Variants in COL23A1 observed in about 807,000 individuals in gnomAD.
COL23A1 encodes collagen type XXIII alpha 1 chain.
Under a neutral mutation model 99.3 loss-of-function variants are expected in COL23A1, and 97 were observed. That is an observed-to-expected ratio of 0.98 (90% CI 0.83 to 1.16). The LOEUF (loss-of-function observed/expected upper bound fraction) is 1.16. Among genes scored for constraint, COL23A1 ranks in the 50% most tolerant of loss-of-function variants. COL23A1 has a pLI of 0.00. For missense variants in COL23A1, 762 were observed against 757.4 expected (o/e 1.01, Z -0.07); for synonymous variants, 320 against 308.2 (o/e 1.04, Z -0.40).
chr5:178,256,827 G>A (rs975337219), intron 14 of COL23A1, 39 bp downstream of exon 14: 8 of 1,591,932 alleles, frequency 5.0e-6, no homozygotes, highest in Middle Eastern at 1.7e-4. Context: ...AGGTCTGAGC[G>A]GGGCCCGCAG....
At chr5:178,249,953 G>T (rs557809536) in intron 18 of COL23A1, 108 bp downstream of exon 18, 5 of 1,379,534 alleles carry the variant, frequency 3.6e-6, no homozygotes, top group East Asian at 2.4e-5. Flanking sequence ...CTCACACATG[G>T]TGTTTCTCTA....
At chr5:178,454,644 G>A (rs1767668525) in intron 2 of COL23A1, among the ~76,000 whole-genome samples, 3 of 152,178 alleles carry the variant, frequency 2.0e-5, no homozygotes, top group South Asian at 2.1e-4. Flanking sequence ...AGTGACTCCC[G>A]GGATTCCCTT....
chr5:178,238,509 G>A lies in COL23A1; in HGVS notation c.*189C>T, dbSNP rs1239478357. 2 of 710,306 alleles carry A rather than the reference G, an allele frequency of 2.8e-6. No homozygotes were observed. The highest frequency in any genetic ancestry group is 3.6e-5 in the African/African-American group (2 of 56,048). 44.0% of individuals were successfully genotyped at this position (710,306 alleles called of 1,614,324 possible). Reference sequence around the variant, plus strand: ...GTGCCCCTCAGGTACACATCTCCCTGGTCTGGCCTGTCCACTTTCCGGCAG... The same window carrying A: ...GTGCCCCTCAGGTACACATCTCCCTAGTCTGGCCTGTCCACTTTCCGGCAG... On this transcript the variant is annotated 3_prime_UTR_variant, in exon 29 of 29. Coordinates refer to ENST00000390654, the MANE Select transcript of COL23A1 (RefSeq NM_173465.4).
chr5:178,254,933 C>A lies in COL23A1; in HGVS notation c.960+16G>T, dbSNP rs748893111. 2 of 1,595,840 alleles carry A rather than the reference C, an allele frequency of 1.3e-6. No homozygotes were observed. Among genetic ancestry groups the A allele is most frequent in the East Asian group, 4.5e-5 (2 of 44,488 alleles). On this transcript the variant is annotated intron_variant, in intron 16 of 28. Transcript: ENST00000390654. Reference sequence around the variant, plus strand: ...ATCGTATCTAAGGCACATCCTGGTCCCACCAGGAACACTACCTTGAGGGCA... The same window carrying A: ...ATCGTATCTAAGGCACATCCTGGTCACACCAGGAACACTACCTTGAGGGCA...
rs566519595 is a variant in COL23A1, at chr5:178,533,835, A to C, written c.361+26847T>G. ...TTAAGGCTGAATAATGTTCCACTGA[A>C]GGAATATATAATATATAAAAATATT... is the stretch of plus-strand genomic sequence containing the variant. On this transcript the variant is annotated intron_variant, in intron 2 of 28. Transcript: ENST00000390654. Among the ~76,000 whole-genome samples, 5 of 152,310 alleles carry C rather than the reference A, an allele frequency of 3.3e-5. No homozygotes were observed. The East Asian group carries it at 9.6e-4, about 29-fold the overall frequency.
intron 2 of COL23A1, among the ~76,000 whole-genome samples, chr5:178,512,106 T>C (rs185200216): frequency 6.6e-6 from 1 of 152,368 alleles, no homozygotes; most frequent in East Asian, 1.9e-4. Flanking sequence ...CAAATGTGTA[T>C]GAACATGGCT....
intron 1 of COL23A1, among the ~76,000 whole-genome samples, chr5:178,564,512 A>G (rs1006220576): frequency 4.6e-5 from 7 of 152,098 alleles, no homozygotes; most frequent in African/African-American, 9.7e-5. Flanking sequence ...CAGCACCCCC[A>G]GCATCTGCAA....
chr5:178,264,594 C>T (rs1223534776), intron 8 of COL23A1, among the ~76,000 whole-genome samples: 1 of 152,128 alleles, frequency 6.6e-6, no homozygotes, highest in East Asian at 1.9e-4. Flanking sequence ...TGGCTCCCAA[C>T]CCTCTTGTAA....
chr5:178,429,369 G>A (rs1478557281), intron 2 of COL23A1, among the ~76,000 whole-genome samples: 5 of 152,114 alleles, frequency 3.3e-5, no homozygotes, highest in South Asian at 2.1e-4. Flanking sequence ...CTGCTTCCCC[G>A]GCCTGAGCCT....
intron 2 of COL23A1, among the ~76,000 whole-genome samples, chr5:178,505,422 T>G (rs907729638): frequency 2.0e-5 from 3 of 151,948 alleles, no homozygotes; most frequent in African/African-American, 7.3e-5. Flanking sequence ...GCTAATTTCT[T>G]TATATTTTTT....
intron 7 of COL23A1, among the ~76,000 whole-genome samples, chr5:178,268,121 C>CCATTTCCATTT (rs1226214174): frequency 6.6e-6 from 1 of 152,218 alleles, no homozygotes; most frequent in Non-Finnish European, 1.5e-5. Context: ...GATCTCACTT[C>CCATTTCCATTT]CCATTTCCAA....
intron 2 of COL23A1, among the ~76,000 whole-genome samples, chr5:178,361,227 A>C (rs1345732370): frequency 6.6e-6 from 1 of 152,222 alleles, no homozygotes; most frequent in African/African-American, 2.4e-5. Flanking sequence ...CATAAGGTCT[A>C]TTCTGTTTGT....
chr5:178,493,054 C>A (rs1206761245), intron 2 of COL23A1, among the ~76,000 whole-genome samples: 1 of 152,202 alleles, frequency 6.6e-6, no homozygotes, highest in African/African-American at 2.4e-5. Flanking sequence ...GTCTCTCACC[C>A]TTTAAATAGA....
At chr5:178,508,668 C>T (rs1759017899) in intron 2 of COL23A1, among the ~76,000 whole-genome samples, 1 of 152,132 alleles carries the variant, frequency 6.6e-6, no homozygotes. Context: ...CTGATACCAT[C>T]GTGGCCGGGA....
intron 1 of COL23A1, among the ~76,000 whole-genome samples, chr5:178,585,727 A>G (rs78750176): frequency 0.092 from 979 of 10,604 alleles, 26 homozygotes; most frequent in East Asian, 0.12. Context: ...CTGGGGTAAC[A>G]CTCCACAGCC....
At chr5:178,460,047 G>A (rs1756032753) in intron 2 of COL23A1, among the ~76,000 whole-genome samples, 1 of 152,122 alleles carries the variant, frequency 6.6e-6, no homozygotes, top group South Asian at 2.1e-4. Context: ...GTATGCCTTA[G>A]TTTATAATTA....
intron 2 of COL23A1, among the ~76,000 whole-genome samples, chr5:178,524,193 AT>A (rs1760179474): frequency 6.6e-6 from 1 of 152,074 alleles, no homozygotes; most frequent in Non-Finnish European, 1.5e-5. Flanking sequence ...CTCCAATAAC[AT>A]CACCAGGGCT....
At chr5:178,383,431 G>T (rs1407276172) in intron 2 of COL23A1, among the ~76,000 whole-genome samples, 1 of 152,222 alleles carries the variant, frequency 6.6e-6, no homozygotes, top group Admixed American at 6.5e-5. Context: ...GGTCCAGCTT[G>T]TTCCCCAGTC....
At chr5:178,322,978 A>G (rs576699587) in intron 2 of COL23A1, among the ~76,000 whole-genome samples, 14 of 152,268 alleles carry the variant, frequency 9.2e-5, no homozygotes, top group Admixed American at 7.8e-4. Flanking sequence ...GCCAGTCTCC[A>G]TCTGCAGGGC....
Sources: gnomAD v4.1 joint callset for allele counts (sites outside exome capture counted in the v4.1 genomes callset) on GRCh38, gnomAD v4.1.1 for gene constraint, MANE v1.5 for transcripts, NCBI Gene and HGNC (gene_info 2026-07-23, HGNC 2026-07-21) for gene names.